The following SP3 variants were observed in gnomAD, a reference collection of about 807,000 sequenced individuals.
The protein encoded by SP3 is transcription factor Sp3.
In SP3, 10 loss-of-function variants were observed where a neutral mutation model predicts 70.3. The observed-to-expected ratio is 0.14, with a 90% CI of 0.09 to 0.24. The LOEUF (loss-of-function observed/expected upper bound fraction) is 0.24, where lower values mean the gene tolerates loss of function less well. Among genes scored for constraint, SP3 ranks in the 10% least tolerant of loss-of-function variants. The pLI, the probability that SP3 is intolerant of heterozygous loss-of-function variation, is 1.00. For synonymous variants in SP3, 402 were observed against 333.5 expected (o/e 1.21, Z -2.24); for missense variants, 825 against 914.6 (o/e 0.90, Z 1.26).
intron 4 of SP3, among the ~76,000 whole-genome samples, chr2:173,927,609 T>C (rs1343963817): frequency 6.6e-6 from 1 of 152,192 alleles, no homozygotes; most frequent in Non-Finnish European, 1.5e-5. Context: ...TGAAATGCAA[T>C]GGTAATGGCA....
intron 4 of SP3, among the ~76,000 whole-genome samples, chr2:173,928,405 G>C (rs1390290171): frequency 1.3e-5 from 2 of 151,930 alleles, no homozygotes; most frequent in Non-Finnish European, 2.9e-5. Context: ...TCTAGCACTG[G>C]ACTAAAACTG....
Position 173,937,577 on chromosome 2 carries a change from A to AT in SP3, c.1639+17295dup, listed in dbSNP as rs1196844729. Among the ~76,000 whole-genome samples, 22 of 152,280 alleles carry AT rather than the reference A, an allele frequency of 1.4e-4. No individual in the cohort carries two copies. The South Asian group carries it at 2.9e-3, about 20-fold the overall frequency. ...TTTATGTTAAATTTCTTGAAAAAAA[A>AT]TTTTTAAATAATTCTGATGCTCACT... is the stretch of plus-strand genomic sequence containing the variant. On this transcript the variant is annotated intron_variant, in intron 4 of 6. Transcript: ENST00000310015.
chr2:173,958,607 T>A (rs778036137), intron 3 of SP3, among the ~76,000 whole-genome samples: 1 of 148,628 alleles, frequency 6.7e-6, no homozygotes, highest in Non-Finnish European at 1.5e-5. Flanking sequence ...CAACAGGTAA[T>A]TTAAGGAAAA....
chr2:173,940,017 G>A (rs72911190), intron 4 of SP3, among the ~76,000 whole-genome samples: 11,699 of 151,932 alleles, frequency 0.077, 686 homozygotes, highest in African/African-American at 0.16. Context: ...AGGACTATGG[G>A]CACACATTAC....
At chr2:173,936,891 CTA>C (rs751605675) in intron 4 of SP3, among the ~76,000 whole-genome samples, 16 of 151,796 alleles carry the variant, frequency 1.1e-4, no homozygotes, top group Admixed American at 2.0e-4. Context: ...TCTCTCTTCT[CTA>C]TTAGGTCTCC....
chr2:173,912,066 T>C (rs1489870883), intron 6 of SP3, among the ~76,000 whole-genome samples: 2 of 152,142 alleles, frequency 1.3e-5, no homozygotes, highest in African/African-American at 2.4e-5. Flanking sequence ...CAATCTGCCT[T>C]CCTTGGCCTC....
intron 6 of SP3, among the ~76,000 whole-genome samples, chr2:173,911,798 A>G (rs960909920): frequency 1.3e-5 from 2 of 149,486 alleles, no homozygotes; most frequent in African/African-American, 4.9e-5. Context: ...CTGCAACGCA[A>G]AATCTTTTAT....
In SP3 at chr2:173,964,531, T is replaced by C; in HGVS notation, c.30A>G (p.Gln10=). 1 of 668,348 alleles carries C rather than the reference T, an allele frequency of 1.5e-6. No individual in the cohort carries two copies. 41.4% of individuals were successfully genotyped at this position (668,348 alleles called of 1,614,324 possible). A position where few individuals can be genotyped will look rare whatever the true frequency, so the allele number is the denominator to read the frequency against. The change falls in exon 2 of 7, where the codon CAA becomes CAG. Residue 10 remains glutamine, a synonymous_variant. Transcript: ENST00000310015. ...CCACGTCCAAGGCAGCCATTTCCTC[T>C]TGTTTCACGGGCTTTTCGGGAGCTG... MTAPEKPVK[Q]EEMAALDVDS...
rs766128939 is a variant in SP3, at chr2:173,955,380, A to C, written c.1132T>G (p.Ser378Ala). ...ATATTCTGTGCCTGTGTCTCTTCAG[A>C]AACAGGCGACTGGATATAATTTCCC... ...LQGNYIQSPV[S>A]EETQAQNIQV... The change falls in exon 4 of 7, where the codon TCT (serine) becomes GCT (alanine). Residue 378 changes from serine (S) to alanine (A), a missense_variant. Coordinates refer to ENST00000310015, the MANE Select transcript of SP3 (RefSeq NM_003111.5). 1.2e-6 allele frequency: 2 copies of C among 1,614,114 alleles called. No homozygotes were observed. The highest frequency in any genetic ancestry group is 1.7e-5 in the Admixed American group (1 of 59,972).
intron 1 of SP3, chr2:173,964,840 C>G (rs916185391): frequency 1.5e-5 from 7 of 481,012 alleles, no homozygotes; most frequent in South Asian, 3.3e-5. Flanking sequence ...CTTCGCGCCG[C>G]TCGCTCTCAC....
chr2:173,964,685 CGG>C, intron 1 of SP3, 132 bp from the exon 2 acceptor site: 2 of 281,540 alleles, frequency 7.1e-6, no homozygotes, highest in South Asian at 5.9e-5. Context: ...ACCCGCCCCC[CGG>C]CGGCGGCGGC....
chr2:173,923,376 A>C (rs1302631436), intron 4 of SP3, among the ~76,000 whole-genome samples: 2 of 152,126 alleles, frequency 1.3e-5, no homozygotes, highest in Non-Finnish European at 2.9e-5. Context: ...ACACACACCC[A>C]CACACACAAT....
chr2:173,913,050 T>C lies in SP3; in HGVS notation c.2029+20A>G. The C allele has an allele frequency of 6.5e-7, 1 of 1,527,736 alleles. No homozygotes were observed. The highest frequency in any genetic ancestry group is 8.8e-7 in the Non-Finnish European group (1 of 1,130,660). The allele number at this position is 1,527,736 out of a possible 1,614,324, so 94.6% of individuals were successfully genotyped here. A position where few individuals can be genotyped will look rare whatever the true frequency, so the allele number is the denominator to read the frequency against. On this transcript the variant is annotated intron_variant, in intron 6 of 6. Coordinates refer to ENST00000310015, the MANE Select transcript of SP3 (RefSeq NM_003111.5). ...AGCCCTATAATTCATTTTTGTCTGT[T>C]AAAAGTAAGTATTAGTAACCTGTAT... is the stretch of plus-strand genomic sequence containing the variant.
At chr2:173,964,823 C>A in intron 1 of SP3, 1 of 478,844 alleles carries the variant, frequency 2.1e-6, no homozygotes, top group Non-Finnish European at 3.6e-6. Flanking sequence ...CCTCTCCTCC[C>A]CTTTCCCTTC....
At chr2:173,945,066 T>C (rs878894920) in intron 4 of SP3, among the ~76,000 whole-genome samples, 2 of 152,214 alleles carry the variant, frequency 1.3e-5, no homozygotes, top group Admixed American at 6.5e-5. Flanking sequence ...AACAAGTAAA[T>C]GGTTATAATA....
At chr2:173,964,581 G>A in intron 1 of SP3, 28 bp from the exon 2 acceptor site, 1 of 665,596 alleles carries the variant, frequency 1.5e-6, no homozygotes, top group Non-Finnish European at 2.8e-6. Flanking sequence ...GGGGGTGGGG[G>A]TGGGGAGGAA....
upstream of SP3, chr2:173,965,630 C>T (rs1691272846): frequency 4.8e-6 from 1 of 208,296 alleles, no homozygotes; most frequent in Non-Finnish European, 9.8e-6. Context: ...CGCAGGCCTC[C>T]TCCACCTTGC....
chr2:173,929,754 G>T (rs1313181566), intron 4 of SP3, among the ~76,000 whole-genome samples: 1 of 152,158 alleles, frequency 6.6e-6, no homozygotes, highest in Non-Finnish European at 1.5e-5. Context: ...AGTGAAGTGA[G>T]CATCAGAGAG....
At position 173,909,876 on chromosome 2, in the gene SP3, T is replaced by C. The variant is rs1387459987; in HGVS notation, c.*65A>G. ...ATCAATAAAAAGATATCTAAGAACT[T>C]AGGAACAATATTCTTCTCACTACTG... On this transcript the variant is annotated 3_prime_UTR_variant, in exon 7 of 7. Transcript: ENST00000310015. 14 of 1,507,600 alleles carry C rather than the reference T, an allele frequency of 9.3e-6. No homozygotes were observed. In the East Asian group the frequency reaches 2.7e-4, roughly 29 times the overall value. The allele number at this position is 1,507,600 out of a possible 1,614,324, so 93.4% of individuals were successfully genotyped here. A position where few individuals can be genotyped will look rare whatever the true frequency, so the allele number is the denominator to read the frequency against.
Sources: allele counts gnomAD v4.1 joint callset (sites outside exome capture counted in the v4.1 genomes callset), GRCh38; gene constraint gnomAD v4.1.1; transcripts MANE v1.5; gene names NCBI Gene and HGNC (gene_info 2026-07-23, HGNC 2026-07-21).